The following HECTD4 variants were observed in gnomAD, a reference collection of about 807,000 sequenced individuals.
The protein encoded by HECTD4 is HECT domain E3 ubiquitin protein ligase 4, also known as probable E3 ubiquitin-protein ligase HECTD4.
A neutral mutation model predicts 471.5 loss-of-function variants in HECTD4; 114 were observed. The ratio of observed to expected loss-of-function variants is 0.24; its 90% CI spans 0.21 to 0.28. The LOEUF (loss-of-function observed/expected upper bound fraction) is 0.28, where lower values mean the gene tolerates loss of function less well. Among genes scored for constraint, HECTD4 ranks in the 10% least tolerant of loss-of-function variants. The pLI, the probability that HECTD4 is intolerant of heterozygous loss-of-function variation, is 1.00. For missense variants in HECTD4, 3,866 were observed against 5,651.5 expected (o/e 0.68, Z 10.13); for synonymous variants, 2,012 against 2,256.0 (o/e 0.89, Z 3.07).
At chr12:112,339,963 C>T (rs566504509) in intron 1 of HECTD4, among the ~76,000 whole-genome samples, 13 of 151,606 alleles carry the variant, frequency 8.6e-5, no homozygotes, top group African/African-American at 3.2e-4. Flanking sequence ...GCAGGAGAAT[C>T]GTTTGAACCC....
At chr12:112,186,340 A>ATT (rs1566065145) in intron 60 of HECTD4, among the ~76,000 whole-genome samples, 8 of 113,976 alleles carry the variant, frequency 7.0e-5, no homozygotes, top group East Asian at 2.6e-4. Flanking sequence ...TTTTTTTAAT[A>ATT]ATTTTTTTTT....
intron 8 of HECTD4, among the ~76,000 whole-genome samples, chr12:112,280,117 A>C (rs1422915109): frequency 6.6e-6 from 1 of 152,198 alleles, no homozygotes; most frequent in Non-Finnish European, 1.5e-5. Context: ...AACTCATAAT[A>C]AACAGCTTTC....
chr12:112,224,866 C>A (rs973498762), intron 44 of HECTD4, among the ~76,000 whole-genome samples: 1 of 152,128 alleles, frequency 6.6e-6, no homozygotes, highest in Non-Finnish European at 1.5e-5. Flanking sequence ...CAGAAACAGT[C>A]CCATAGAAAA....
Position 112,381,917 on chromosome 12 carries a change from G to T in HECTD4, c.177+35C>A. Reference sequence around the variant, plus strand: ...CCGGGGGTGCCGGGCGAGTGGGTCAGTCCGATGGCGGGGGCCGGGGGCCGC... The same window carrying T: ...CCGGGGGTGCCGGGCGAGTGGGTCATTCCGATGGCGGGGGCCGGGGGCCGC... On this transcript the variant is annotated intron_variant, in intron 1 of 75. Coordinates refer to ENST00000682272, the MANE Select transcript of HECTD4 (RefSeq NM_001388303.1). This position sits in a 1 kb window ranked among gnomAD's most constrained non-coding sequence, Gnocchi z 4.1. 2.5e-6 allele frequency: 3 copies of T among 1,217,346 alleles called. No individual in the cohort carries two copies. The highest frequency in any genetic ancestry group is 3.1e-6 in the Non-Finnish European group (3 of 977,634). 75.4% of individuals were successfully genotyped at this position (1,217,346 alleles called of 1,614,324 possible). A position where few individuals can be genotyped will look rare whatever the true frequency, so the allele number is the denominator to read the frequency against.
intron 62 of HECTD4, 150 bp downstream of exon 62, chr12:112,182,909 C>T: frequency 1.6e-6 from 1 of 624,184 alleles, no homozygotes; most frequent in Non-Finnish European, 2.8e-6. Context: ...AATCTGCAAC[C>T]CAGGAGTAGC....
intron 28 of HECTD4, 36 bp downstream of exon 28, chr12:112,247,426 G>T: frequency 9.9e-7 from 1 of 1,012,592 alleles, no homozygotes; most frequent in Non-Finnish European, 1.4e-6. Flanking sequence ...GAGCATCAAG[G>T]TGATAATAGC....
rs2033245202 is a variant in HECTD4, at chr12:112,226,559, G to T, written c.6970+84C>A. 7 of 802,152 alleles carry T rather than the reference G, an allele frequency of 8.7e-6. No homozygotes were observed. In the South Asian group the frequency reaches 1.1e-4, roughly 13 times the overall value. 49.7% of individuals were successfully genotyped at this position (802,152 alleles called of 1,614,324 possible). ...GGCTGTTTTGATGTGTGTGTATGAA[G>T]ACACTTAACATACCATTATCAAATT... On this transcript the variant is annotated intron_variant, in intron 44 of 75. Transcript: ENST00000682272.
intron 1 of HECTD4, among the ~76,000 whole-genome samples, chr12:112,378,376 G>A (rs369721599): frequency 4.8e-5 from 7 of 147,336 alleles, no homozygotes; most frequent in East Asian, 5.0e-4. Flanking sequence ...CCGCCACCAC[G>A]CCCGGCTAAT....
At chr12:112,288,318 CAAAA>C (rs34194692) in intron 7 of HECTD4, among the ~76,000 whole-genome samples, 3 of 75,088 alleles carry the variant, frequency 4.0e-5, no homozygotes, top group Admixed American at 1.3e-4. Context: ...GACTCTGTCT[CAAAA>C]AAAAAAAAAA....
At chr12:112,182,465 T>C (rs924003767) in intron 62 of HECTD4, among the ~76,000 whole-genome samples, 1 of 150,132 alleles carries the variant, frequency 6.7e-6, no homozygotes, top group South Asian at 2.1e-4. Context: ...GGCTGGAAAA[T>C]GGGACTTCGG....
intron 38 of HECTD4, 150 bp from the exon 39 acceptor site, chr12:112,231,865 A>G (rs1593957015): frequency 1.4e-6 from 1 of 701,404 alleles, no homozygotes; most frequent in East Asian, 2.7e-5. Context: ...TAAAATTTCC[A>G]TAGACATCCC....
rs1313467276 is a variant in HECTD4 at position 112,212,504 on chromosome 12, C to T, written c.7612G>A (p.Val2538Ile). Reference protein sequence around the residue: ...EDVSGGMWPVVHIQKKNTKTR... With the variant: ...EDVSGGMWPVIHIQKKNTKTR... ...TAACCTGCCTTTTTCTGAATGTGAA[C>T]CACTGGCCACATGCCACCAGAGACG... The change falls in exon 49 of 76, where the codon GTT (valine) becomes ATT (isoleucine). Residue 2538 changes from valine (V) to isoleucine (I), a missense_variant. By Grantham distance (29) the Val-to-Ile change is conservative. Around this residue, in one of 16 missense-constraint regions of HECTD4, gnomAD observed 617 missense variants for 915.1 expected, o/e 0.67. Coordinates refer to ENST00000682272, the MANE Select transcript of HECTD4 (RefSeq NM_001388303.1). 1 of 1,613,008 alleles carries T rather than the reference C, an allele frequency of 6.2e-7. No individual in the cohort carries two copies.
intron 44 of HECTD4, 148 bp downstream of exon 44, chr12:112,226,495 G>C (rs546355042): frequency 2.1e-6 from 1 of 475,772 alleles, no homozygotes; most frequent in South Asian, 5.0e-5. Flanking sequence ...CTAGGTCTGT[G>C]ATGCACGTGA....
Position 112,212,508 on chromosome 12 carries a change from T to A in HECTD4, c.7608A>T (p.Pro2536=). ...YLEDVSGGMW[P]VVHIQKKNTK... ...CTGCCTTTTTCTGAATGTGAACCAC[T>A]GGCCACATGCCACCAGAGACGTCTT... The change falls in exon 49 of 76, where the codon CCA becomes CCT. Residue 2536 remains proline, a synonymous_variant. Transcript: ENST00000682272. 1 of 1,613,392 alleles carries A rather than the reference T, an allele frequency of 6.2e-7. No homozygotes were observed. The highest frequency in any genetic ancestry group is 8.5e-7 in the Non-Finnish European group (1 of 1,179,440).
chr12:112,272,788 A>C (rs1411404975), intron 11 of HECTD4, among the ~76,000 whole-genome samples: 2 of 152,164 alleles, frequency 1.3e-5, no homozygotes, highest in Non-Finnish European at 2.9e-5. Context: ...TTTGTTTGCC[A>C]CCAAGATGAC....
intron 1 of HECTD4, among the ~76,000 whole-genome samples, chr12:112,366,398 T>C (rs1455345422): frequency 1.3e-5 from 2 of 151,926 alleles, no homozygotes; most frequent in Non-Finnish European, 2.9e-5. Context: ...TGTGAGCCTA[T>C]AGTCCCAGCT....
At chr12:112,258,625 C>T (rs1239960177) in intron 19 of HECTD4, 29 bp from the exon 20 acceptor site, 4 of 1,554,598 alleles carry the variant, frequency 2.6e-6, no homozygotes, top group African/African-American at 1.4e-5. Context: ...ATTATGTCTT[C>T]CAGGGCTACT....
At position 112,203,743 on chromosome 12, in the gene HECTD4, T is replaced by C. The variant is rs1455679701; in HGVS notation, c.8299A>G (p.Ser2767Gly). The C allele has an allele frequency of 6.2e-7, 1 of 1,612,528 alleles. No individual in the cohort carries two copies. Among genetic ancestry groups the C allele is most frequent in the Non-Finnish European group, 8.5e-7 (1 of 1,179,200 alleles). Residue 2767 changes from serine (S) to glycine (G), a missense_variant, in exon 54 of 76, where the codon AGC becomes GGC. Ser to Gly is a moderately conservative substitution (Grantham distance 56). Around this residue, in one of 16 missense-constraint regions of HECTD4, gnomAD observed 266 missense variants for 441.6 expected, o/e 0.60. Coordinates refer to ENST00000682272, the MANE Select transcript of HECTD4 (RefSeq NM_001388303.1). ...GLTVVTRSPD[S>G]NNVASSAVGT... ...ACAGCACTGCTGGCTACATTATTGC[T>C]GTCTGGAGAGCGGGTTACTACTGTG...
chr12:112,249,099 A>G (rs2033821668), intron 25 of HECTD4, among the ~76,000 whole-genome samples: 1 of 152,220 alleles, frequency 6.6e-6, no homozygotes, highest in South Asian at 2.1e-4. Flanking sequence ...TTCAGCCTGT[A>G]ATCCTAGCAC....
Sources: allele counts gnomAD v4.1 joint callset (sites outside exome capture counted in the v4.1 genomes callset), GRCh38; gene constraint gnomAD v4.1.1; regional missense constraint gnomAD v4.1.1; non-coding constraint Gnocchi (gnomAD v3.1); transcripts MANE v1.5; gene names NCBI Gene and HGNC (gene_info 2026-07-23, HGNC 2026-07-21).